QRICH1: variants seen among roughly 807,000 people sequenced by gnomAD.
The protein encoded by QRICH1 is glutamine rich 1, also known as transcriptional regulator QRICH1.
A neutral mutation model predicts 87.1 loss-of-function variants in QRICH1; 16 were observed. That is an observed-to-expected ratio of 0.18 (90% confidence interval 0.12 to 0.28). The LOEUF (loss-of-function observed/expected upper bound fraction) is 0.28. QRICH1 is among the 10% of genes least tolerant of loss of function. QRICH1 has a pLI of 1.00. For synonymous variants in QRICH1, 367 were observed against 368.4 expected (o/e 1.00, Z 0.05); for missense variants, 647 against 951.7 (o/e 0.68, Z 4.21).
chr3:49,085,065 T>C (rs1186817149), intron 1 of QRICH1, among the ~76,000 whole-genome samples: 1 of 151,406 alleles, frequency 6.6e-6, no homozygotes. Flanking sequence ...ATGGTGTGAA[T>C]CTGGGAGGTG....
chr3:49,064,178 G>A lies in QRICH1; in HGVS notation c.310-6288C>T, dbSNP rs1267386293. Among the ~76,000 whole-genome samples, 4 of 150,906 alleles carry A rather than the reference G, an allele frequency of 2.7e-5. No homozygotes were observed. The Admixed American group carries it at 2.7e-4, about 10-fold the overall frequency. ...ACTCCCAACCTCAGGTGATCCGCCT[G>A]CCTCGGCCTCCCAAAGTGCTGGGAT... is the stretch of plus-strand genomic sequence containing the variant. On this transcript the variant is annotated intron_variant, in intron 2 of 9. Coordinates refer to ENST00000395443, the MANE Select transcript of QRICH1 (RefSeq NM_198880.3).
chr3:49,061,898 C>T (rs771189431), intron 2 of QRICH1, among the ~76,000 whole-genome samples: 1 of 152,102 alleles, frequency 6.6e-6, no homozygotes, highest in Non-Finnish European at 1.5e-5. Flanking sequence ...TAAAAAGTTG[C>T]TCCATATCAT....
In QRICH1 at chr3:49,076,742, C is replaced by T. The variant is rs759832638; in HGVS notation, c.276G>A (p.Gln92=). The part of the protein sequence containing the change: ...TSVQPQTQQE[Q]QIQVQQPQQV... ...GCTGCGGCTGCTGAACCTGGATCTG[C>T]TGTTCTTGCTGGGTTTGTGGCTGAA... The change falls in exon 2 of 10, where the codon CAG becomes CAA. Residue 92 remains glutamine (Q), a synonymous_variant. Coordinates refer to ENST00000395443, the MANE Select transcript of QRICH1 (RefSeq NM_198880.3). The T allele has an allele frequency of 6.3e-7, 1 of 1,594,746 alleles. No individual in the cohort carries two copies. Among genetic ancestry groups the T allele is most frequent in the Non-Finnish European group, 8.6e-7 (1 of 1,167,148 alleles).
At chr3:49,084,805 T>C (rs770717526) in intron 1 of QRICH1, among the ~76,000 whole-genome samples, 1 of 152,030 alleles carries the variant, frequency 6.6e-6, no homozygotes, top group Non-Finnish European at 1.5e-5. Context: ...TATGCCTAGA[T>C]GATGGAACCA....
intron 2 of QRICH1, among the ~76,000 whole-genome samples, chr3:49,075,811 G>C (rs950102348): frequency 3.9e-5 from 6 of 151,980 alleles, no homozygotes; most frequent in African/African-American, 9.7e-5. Context: ...GGGTGGTAGT[G>C]CACACCTGTA....
chr3:49,090,026 A>G (rs2042244001), intron 1 of QRICH1, among the ~76,000 whole-genome samples: 1 of 152,216 alleles, frequency 6.6e-6, no homozygotes, highest in South Asian at 2.1e-4. Context: ...AAAACAAAGA[A>G]AAACATGGGC....
chr3:49,039,515 C>T (rs143909539), intron 6 of QRICH1, among the ~76,000 whole-genome samples: 2 of 147,016 alleles, frequency 1.4e-5, no homozygotes, highest in East Asian at 4.1e-4. Context: ...ATCCCAGCTA[C>T]TCGGAGGCTG....
At chr3:49,070,208 TG>T (rs1298504314) in intron 2 of QRICH1, among the ~76,000 whole-genome samples, 2 of 152,042 alleles carry the variant, frequency 1.3e-5, no homozygotes, top group Non-Finnish European at 2.9e-5. Flanking sequence ...GGCTGATTTT[TG>T]TATTTTTTAG....
Position 49,046,537 on chromosome 3 carries a change from G to C in QRICH1, c.1559C>G (p.Ala520Gly). 1 of 1,613,808 alleles carries C rather than the reference G, an allele frequency of 6.2e-7. No homozygotes were observed. Among genetic ancestry groups the C allele is most frequent in the Non-Finnish European group, 8.5e-7 (1 of 1,179,946 alleles). ...LRFQEDLISS[A>G]VAELNYGLCL... is the part of the protein sequence containing the mutation. ...GAGCCCATAATTCAACTCTGCCACAGCAGAGGAGATGAGATCTTCCTGGAA... is the reference window on the plus strand; with the variant it reads ...GAGCCCATAATTCAACTCTGCCACACCAGAGGAGATGAGATCTTCCTGGAA... Residue 520 changes from alanine (A) to glycine (G), a missense_variant, in exon 5 of 10, where the codon GCT becomes GGT. Ala to Gly is a moderately conservative substitution (Grantham distance 60). Around this residue, in one of 7 missense-constraint regions of QRICH1, gnomAD observed 187 missense variants for 309.5 expected, o/e 0.60. Transcript: ENST00000395443.
chr3:49,071,016 G>A (rs544509371), intron 2 of QRICH1, among the ~76,000 whole-genome samples: 10 of 151,086 alleles, frequency 6.6e-5, no homozygotes, highest in African/African-American at 2.4e-4. Flanking sequence ...GCATTCATCA[G>A]TTTATCTTGA....
intron 2 of QRICH1, among the ~76,000 whole-genome samples, chr3:49,073,064 G>C (rs1043168407): frequency 6.6e-6 from 1 of 151,538 alleles, no homozygotes; most frequent in African/African-American, 2.4e-5. Context: ...AAAAATGAAG[G>C]AAAGGGAAAC....
At chr3:49,030,686 C>T (rs946398396) in intron 9 of QRICH1, 42 bp from the exon 10 acceptor site, 2 of 1,464,394 alleles carry the variant, frequency 1.4e-6, no homozygotes, top group East Asian at 2.4e-5. Context: ...ACCAATATAA[C>T]TTCAACCCTC....
At chr3:49,040,035 T>C (rs2093301014) in intron 6 of QRICH1, among the ~76,000 whole-genome samples, 1 of 152,212 alleles carries the variant, frequency 6.6e-6, no homozygotes, top group Non-Finnish European at 1.5e-5. Flanking sequence ...CACTCCAGCC[T>C]GGGCGATAGA....
At chr3:49,046,306 G>T (rs1575334629) in intron 5 of QRICH1, 119 bp downstream of exon 5, 3 of 1,032,092 alleles carry the variant, frequency 2.9e-6, no homozygotes, top group Non-Finnish European at 4.2e-6. Context: ...AAAACTCACT[G>T]TATACCTGAA....
intron 3 of QRICH1, among the ~76,000 whole-genome samples, chr3:49,053,379 T>C (rs1377545189): frequency 1.3e-5 from 2 of 149,826 alleles, no homozygotes; most frequent in African/African-American, 4.9e-5. Flanking sequence ...TCCCAGCTAC[T>C]CGGGAGGCTG....
At chr3:49,053,080 C>T (rs1299966425) in intron 3 of QRICH1, among the ~76,000 whole-genome samples, 2 of 152,102 alleles carry the variant, frequency 1.3e-5, no homozygotes, top group Non-Finnish European at 2.9e-5. Context: ...CCCTCAGGAA[C>T]ATCAACATGT....
chr3:49,069,104 A>ATTT (rs201458261), intron 2 of QRICH1, among the ~76,000 whole-genome samples: 14 of 103,082 alleles, frequency 1.4e-4, no homozygotes, highest in Non-Finnish European at 1.6e-4. Flanking sequence ...TATTATTATT[A>ATTT]TTATTTTTTT....
At chr3:49,041,012 C>G (rs1391579528) in intron 6 of QRICH1, among the ~76,000 whole-genome samples, 2 of 152,198 alleles carry the variant, frequency 1.3e-5, no homozygotes, top group Non-Finnish European at 2.9e-5. Flanking sequence ...GTTGCCCAGG[C>G]TGGAGTGCAG....
intron 3 of QRICH1, among the ~76,000 whole-genome samples, chr3:49,056,067 C>T (rs1236079253): frequency 6.6e-6 from 1 of 152,136 alleles, no homozygotes; most frequent in African/African-American, 2.4e-5. Flanking sequence ...CCTCTGCCTC[C>T]TGGGTTCAAG....
Sources: allele counts gnomAD v4.1 joint callset (sites outside exome capture counted in the v4.1 genomes callset), GRCh38; gene constraint gnomAD v4.1.1; regional missense constraint gnomAD v4.1.1; transcripts MANE v1.5; gene names NCBI Gene and HGNC (gene_info 2026-07-23, HGNC 2026-07-21).